CELF2: variants seen among roughly 807,000 people sequenced by gnomAD.
CELF2 encodes the protein CUG triplet repeat RNA-binding protein 2.
In CELF2, 8 loss-of-function variants were observed where a neutral mutation model predicts 62.6. The ratio of observed to expected loss-of-function variants is 0.13; its 90% CI spans 0.07 to 0.23. The LOEUF (loss-of-function observed/expected upper bound fraction) is 0.23, where lower values mean the gene tolerates loss of function less well. Among genes scored for constraint, CELF2 ranks in the 10% least tolerant of loss-of-function variants. CELF2 has a pLI of 1.00. For missense variants in CELF2, 333 were observed against 671.0 expected, an observed-to-expected ratio of 0.50 and a Z score of 5.56; for synonymous variants, 258 against 250.0, an observed-to-expected ratio of 1.03 and a Z score of -0.30.
intron 1 of CELF2, among the ~76,000 whole-genome samples, chr10:11,062,015 T>C (rs1233339985): frequency 6.6e-6 from 1 of 152,250 alleles, no homozygotes; most frequent in Non-Finnish European, 1.5e-5. Context: ...TTTCACCATG[T>C]TGGCCAGGCT....
At chr10:11,232,462 C>T (rs1234839491) in intron 3 of CELF2, among the ~76,000 whole-genome samples, 1 of 152,194 alleles carries the variant, frequency 6.6e-6, no homozygotes, top group Admixed American at 6.5e-5. Context: ...GTAACTCACA[C>T]AGCCACAGGA....
rs903215341 is a variant in CELF2, at chr10:11,211,410, T to C, written c.272-6015T>C. ...GAGGAAGTTTCTTTAATGAGTATGG[T>C]GTCAGTTTTCTTAAGGGCAGAATGA... On this transcript the variant is annotated intron_variant, in intron 2 of 12. Transcript: ENST00000633077. This position sits in a 1 kb window ranked among gnomAD's most constrained non-coding sequence, Gnocchi z 4.8. Among the ~76,000 whole-genome samples, 2 of 152,228 alleles carry C rather than the reference T, an allele frequency of 1.3e-5. No homozygotes were observed. Among genetic ancestry groups the C allele is most frequent in the Non-Finnish European group, 2.9e-5 (2 of 68,040 alleles).
At chr10:10,870,453 C>G (rs1209869979) in intron 1 of CELF2, among the ~76,000 whole-genome samples, 1 of 152,086 alleles carries the variant, frequency 6.6e-6, no homozygotes, top group Non-Finnish European at 1.5e-5. Context: ...CAAAGACTCA[C>G]CCTCATGGAA....
chr10:10,625,798 C>G, the CELF2 span, among the ~76,000 whole-genome samples: 1 of 152,166 alleles, frequency 6.6e-6, no homozygotes, highest in Non-Finnish European at 1.5e-5. Flanking sequence ...ATCTGAAGCC[C>G]CAGAGGAACA....
rs563903916 is a variant in CELF2, at chr10:11,237,562, C to T, written c.355-11591C>T. 5.1e-4 allele frequency among the ~76,000 whole-genome samples: 77 copies of T among 152,320 alleles called. 2 individuals carry two copies. Among genetic ancestry groups the T allele is most frequent in the Admixed American group, 4.9e-3 (75 of 15,310 alleles). Reference sequence around the variant, plus strand: ...TTTGAGGCCAGCACATGTACCAGGTCGTCAAGGGGAGCCCAGGTGCAAGGG... The same window carrying T: ...TTTGAGGCCAGCACATGTACCAGGTTGTCAAGGGGAGCCCAGGTGCAAGGG... On this transcript the variant is annotated intron_variant, in intron 3 of 12. Transcript: ENST00000633077. This position sits in a 1 kb window ranked among gnomAD's most constrained non-coding sequence, Gnocchi z 4.0.
intron 1 of CELF2, among the ~76,000 whole-genome samples, chr10:10,844,712 G>A (rs1159958196): frequency 1.3e-5 from 2 of 152,066 alleles, no homozygotes; most frequent in African/African-American, 4.8e-5. Context: ...CTGACTTCAG[G>A]AGATTTTATC....
the CELF2 span, among the ~76,000 whole-genome samples, chr10:10,503,491 T>C: frequency 6.6e-6 from 1 of 151,988 alleles, no homozygotes; most frequent in Non-Finnish European, 1.5e-5. Flanking sequence ...CTGTCTCTGA[T>C]GTATTTCTTT....
rs2047811959 is a variant in CELF2, at chr10:10,947,362, C to T, written c.89+27363C>T. 6.6e-6 allele frequency: 1 copy of T among 152,634 alleles called. No individual in the cohort carries two copies. Among genetic ancestry groups the T allele is most frequent in the Non-Finnish European group, 1.5e-5 (1 of 68,054 alleles). The allele number at this position is 152,634 out of a possible 1,614,324, so 9.5% of individuals were successfully genotyped here. A position where few individuals can be genotyped will look rare whatever the true frequency, so the allele number is the denominator to read the frequency against. The stretch of plus-strand genomic sequence containing the variant: ...GGAGGCAGGGTTATTTACCATTTTA[C>T]TCTCCCTCCCTGTTCACCATTTGAC... On this transcript the variant is annotated intron_variant, in intron 2 of 13. Transcript: ENST00000636488. This position sits in a 1 kb window ranked among gnomAD's most constrained non-coding sequence, Gnocchi z 4.1.
At chr10:10,798,454 A>G (rs538142450), upstream of CELF2, 3 of 274,702 alleles carry the variant, frequency 1.1e-5, no homozygotes, top group Non-Finnish European at 2.0e-5. Flanking sequence ...GGACGGTGTT[A>G]ATAAAGAGAG....
chr10:10,845,327 G>C, intron 1 of CELF2, among the ~76,000 whole-genome samples: 1 of 138,362 alleles, frequency 7.2e-6, no homozygotes, highest in Middle Eastern at 3.8e-3. Context: ...TCAGTTCATT[G>C]CTCCAAAAAA....
chr10:11,082,790 T>C (rs1393991557), intron 1 of CELF2, among the ~76,000 whole-genome samples: 1 of 152,212 alleles, frequency 6.6e-6, no homozygotes, highest in African/African-American at 2.4e-5. Flanking sequence ...GCTTCATCCA[T>C]GGTAGGAAAC....
At chr10:10,605,060 G>C in the CELF2 span, among the ~76,000 whole-genome samples, 5 of 152,110 alleles carry the variant, frequency 3.3e-5, no homozygotes, top group Non-Finnish European at 7.3e-5. Flanking sequence ...AGAAAATGTG[G>C]TACATATACA....
At chr10:10,912,643 C>T (rs759836063) in intron 1 of CELF2, among the ~76,000 whole-genome samples, 2 of 152,220 alleles carry the variant, frequency 1.3e-5, no homozygotes, top group African/African-American at 2.4e-5. Flanking sequence ...GCTGGGATTA[C>T]AGGCGTGTGC....
At chr10:10,525,470 C>T in the CELF2 span, among the ~76,000 whole-genome samples, 2 of 152,078 alleles carry the variant, frequency 1.3e-5, no homozygotes, top group Non-Finnish European at 2.9e-5. Flanking sequence ...ATTGAACATC[C>T]CTACCCTAGA....
chr10:10,890,450 A>C (rs1487971345), intron 1 of CELF2, among the ~76,000 whole-genome samples: 1 of 152,208 alleles, frequency 6.6e-6, no homozygotes, highest in Non-Finnish European at 1.5e-5. Flanking sequence ...ATAGTATAAA[A>C]TTCAGTTGTG....
chr10:11,088,040 G>A (rs150679070), intron 1 of CELF2, among the ~76,000 whole-genome samples: 247 of 152,336 alleles, frequency 1.6e-3, no homozygotes, highest in Middle Eastern at 3.4e-3. Context: ...GTTAGGCATT[G>A]GGAACACAGG....
the CELF2 span, among the ~76,000 whole-genome samples, chr10:10,691,668 G>C: frequency 2.0e-5 from 3 of 149,020 alleles, no homozygotes; most frequent in Non-Finnish European, 3.0e-5. Flanking sequence ...TCCAGCACCT[G>C]TTGTTTCCTG....
At chr10:10,752,688 CAAAAAAAA>C in the CELF2 span, among the ~76,000 whole-genome samples, 1 of 58,980 alleles carries the variant, frequency 1.7e-5, no homozygotes, top group Non-Finnish European at 3.2e-5. Context: ...GACTCCGTCT[CAAAAAAAA>C]AAAAAAAAAA....
chr10:11,076,482 C>G (rs2071978061), intron 1 of CELF2, among the ~76,000 whole-genome samples: 2 of 152,192 alleles, frequency 1.3e-5, no homozygotes, highest in African/African-American at 4.8e-5. Context: ...TGGACAGACC[C>G]AGATCCAGGG....
Sources: gnomAD v4.1 joint callset for allele counts (sites outside exome capture counted in the v4.1 genomes callset) on GRCh38, gnomAD v4.1.1 for gene constraint, Gnocchi (gnomAD v3.1) non-coding constraint, MANE v1.5 for transcripts, NCBI Gene and HGNC (gene_info 2026-07-23, HGNC 2026-07-21) for gene names.